Variants in ADAMTSL1 observed in about 807,000 individuals in gnomAD.
ADAMTSL1 encodes ADAMTS like 1.
Under a neutral mutation model 201.8 loss-of-function variants are expected in ADAMTSL1, and 126 were observed. That is an observed-to-expected ratio of 0.62 (90% CI 0.54 to 0.72). The LOEUF is 0.72. ADAMTSL1 is among the 30% of genes least tolerant of loss of function. The pLI is 0.00. For synonymous variants in ADAMTSL1, 1,121 were observed against 903.4 expected, an observed-to-expected ratio of 1.24 and a Z score of -4.32; for missense variants, 2,679 against 2,277.8, an observed-to-expected ratio of 1.18 and a Z score of -3.59.
At chr9:18,033,621 C>CGGTTG (rs1821070629) in intron 1 of ADAMTSL1, among the ~76,000 whole-genome samples, 1 of 152,170 alleles carries the variant, frequency 6.6e-6, no homozygotes, top group Admixed American at 6.5e-5. Flanking sequence ...TCCTTTGATA[C>CGGTTG]AGAAATGGAA....
At chr9:18,459,981 A>C (rs1820747968) in intron 2 of ADAMTSL1, among the ~76,000 whole-genome samples, 1 of 152,194 alleles carries the variant, frequency 6.6e-6, no homozygotes, top group South Asian at 2.1e-4. Context: ...AATAAAATCA[A>C]GATTTGCCGA....
intron 1 of ADAMTSL1, among the ~76,000 whole-genome samples, chr9:18,116,131 G>A (rs898882846): frequency 2.4e-4 from 36 of 152,110 alleles, no homozygotes; most frequent in African/African-American, 8.4e-4. Context: ...GCAGTCGAAG[G>A]CTTGATGCCA....
At chr9:18,815,580 C>T (rs960738824) in intron 20 of ADAMTSL1, among the ~76,000 whole-genome samples, 3 of 151,034 alleles carry the variant, frequency 2.0e-5, no homozygotes, top group Non-Finnish European at 4.4e-5. Flanking sequence ...TGATGGTATA[C>T]ACCTGTAGTT....
At chr9:18,901,061 C>T (rs1182021428) in intron 26 of ADAMTSL1, among the ~76,000 whole-genome samples, 1 of 151,992 alleles carries the variant, frequency 6.6e-6, no homozygotes, top group East Asian at 1.9e-4. Context: ...TGTAAGCTTC[C>T]TGAGGCCTCA....
chr9:18,621,280 T>A (rs1826018025), intron 4 of ADAMTSL1, among the ~76,000 whole-genome samples: 1 of 152,160 alleles, frequency 6.6e-6, no homozygotes, highest in African/African-American at 2.4e-5. Context: ...CAAATGGCAT[T>A]GCCCACATAC....
intron 2 of ADAMTSL1, among the ~76,000 whole-genome samples, chr9:18,216,995 A>G (rs1830079157): frequency 6.6e-6 from 1 of 152,082 alleles, no homozygotes; most frequent in East Asian, 1.9e-4. Context: ...TTGGGAGTTG[A>G]GATAGGGCTA....
chr9:18,577,065 A>G (rs749820294), intron 4 of ADAMTSL1, among the ~76,000 whole-genome samples: 13 of 152,030 alleles, frequency 8.6e-5, no homozygotes, highest in Non-Finnish European at 8.8e-5. Context: ...AAAAGACACA[A>G]CTCTTAAGAC....
Position 18,279,436 on chromosome 9 carries a change from A to AT in ADAMTSL1, c.207+115461dup, listed in dbSNP as rs370881958. On this transcript the variant is annotated intron_variant, in intron 2 of 29. Transcript: ENST00000680146. Reference sequence around the variant, plus strand: ...CTTAAGGGTCAGTTACTAGTGATTTATTTTTTCACTTTGGTGGGGTCATGT... The same window carrying AT: ...CTTAAGGGTCAGTTACTAGTGATTTATTTTTTTCACTTTGGTGGGGTCATGT... Among the ~76,000 whole-genome samples the AT allele has an allele frequency of 2.5e-3, 384 of 151,266 alleles. 2 individuals are homozygous for AT. The highest frequency in any genetic ancestry group is 8.7e-3 in the African/African-American group (359 of 41,302).
At chr9:18,048,043 G>T (rs1434777971) in intron 1 of ADAMTSL1, among the ~76,000 whole-genome samples, 1 of 152,140 alleles carries the variant, frequency 6.6e-6, no homozygotes, top group Non-Finnish European at 1.5e-5. Context: ...CCCCATTTAG[G>T]GACAGGGAGT....
At chr9:18,314,782 C>CTTTTT (rs776046209) in intron 2 of ADAMTSL1, among the ~76,000 whole-genome samples, 1,487 of 49,736 alleles carry the variant, frequency 0.03, 472 homozygotes, top group East Asian at 0.046. Context: ...CGGCAGCGTG[C>CTTTTT]TTTTTTTTTT....
intron 1 of ADAMTSL1, among the ~76,000 whole-genome samples, chr9:18,476,727 CTTAT>C (rs1821474001): frequency 6.6e-6 from 1 of 151,982 alleles, no homozygotes; most frequent in Non-Finnish European, 1.5e-5. Context: ...TATTCTTGGA[CTTAT>C]TTGGGGCAAT....
At chr9:18,855,788 A>T (rs553313385) in intron 23 of ADAMTSL1, among the ~76,000 whole-genome samples, 1 of 152,250 alleles carries the variant, frequency 6.6e-6, no homozygotes, top group South Asian at 2.1e-4. Flanking sequence ...TAAGACCAAA[A>T]ATTCATTCAA....
chr9:18,052,276 T>C (rs1270915058), intron 1 of ADAMTSL1, among the ~76,000 whole-genome samples: 1 of 152,216 alleles, frequency 6.6e-6, no homozygotes, highest in African/African-American at 2.4e-5. Context: ...AAATACATAC[T>C]TTCACACTTA....
chr9:18,723,227 T>C, intron 15 of ADAMTSL1: 1 of 651,462 alleles, frequency 1.5e-6, no homozygotes. Context: ...CTTTATTTTG[T>C]AGGCAGAAGC....
chr9:17,971,097 C>A (rs532721652), intron 1 of ADAMTSL1, among the ~76,000 whole-genome samples: 2 of 151,998 alleles, frequency 1.3e-5, no homozygotes, highest in South Asian at 2.1e-4. Flanking sequence ...AAACTGATTT[C>A]TGAAAGGTGG....
chr9:18,656,364 G>C (rs1828657841), intron 7 of ADAMTSL1, among the ~76,000 whole-genome samples: 1 of 152,086 alleles, frequency 6.6e-6, no homozygotes, highest in Non-Finnish European at 1.5e-5. Flanking sequence ...AGGCACGGTG[G>C]CTCACGCCTG....
At chr9:18,836,257 T>G (rs1825302999) in intron 23 of ADAMTSL1, among the ~76,000 whole-genome samples, 1 of 152,264 alleles carries the variant, frequency 6.6e-6, no homozygotes, top group Admixed American at 6.5e-5. Flanking sequence ...GTTCCTGTCT[T>G]TTGCCAATTT....
Position 18,301,145 on chromosome 9 carries a change from G to A in ADAMTSL1, c.207+137164G>A, listed in dbSNP as rs574826115. Among the ~76,000 whole-genome samples, 3 of 152,170 alleles carry A rather than the reference G, an allele frequency of 2.0e-5. No homozygotes were observed. The East Asian group carries it at 5.8e-4, about 29-fold the overall frequency. ...TCCAAGATACTTTTAATTGTAAGAT[G>A]CACCATTATTTAAAGTGCCAGGAAG... On this transcript the variant is annotated intron_variant, in intron 2 of 29. Coordinates refer to the ADAMTSL1 transcript ENST00000680146.
intron 2 of ADAMTSL1, among the ~76,000 whole-genome samples, chr9:18,290,532 G>T (rs548650203): frequency 6.6e-6 from 1 of 152,222 alleles, no homozygotes; most frequent in Admixed American, 6.5e-5. Context: ...TAGGGAAGAG[G>T]CCAGTTTTAA....
Sources: gnomAD v4.1 joint callset for allele counts (sites outside exome capture counted in the v4.1 genomes callset) on GRCh38, gnomAD v4.1.1 for gene constraint, MANE v1.5 for transcripts, NCBI Gene and HGNC (gene_info 2026-07-23, HGNC 2026-07-21) for gene names.